The following MSH4 variants were observed in gnomAD, a reference collection of about 807,000 sequenced individuals.
The protein encoded by MSH4 is mutS protein homolog 4.
A neutral mutation model predicts 113.7 loss-of-function variants in MSH4; 106 were observed. The observed-to-expected ratio is 0.93, with a 90% CI of 0.80 to 1.10. The LOEUF is 1.10. Ranked by LOEUF, MSH4 falls within the 50% of genes least tolerant of loss-of-function variation. The probability of loss-of-function intolerance (pLI) is 0.00; values close to 1 mark genes in which losing one functional copy is unlikely to be tolerated. For synonymous variants in MSH4, 368 were observed against 380.2 expected, an observed-to-expected ratio of 0.97 and a Z score of 0.37; for missense variants, 1,061 against 1,093.7, an observed-to-expected ratio of 0.97 and a Z score of 0.42.
intron 8 of MSH4, among the ~76,000 whole-genome samples, chr1:75,852,428 C>CT: frequency 6.6e-6 from 1 of 152,206 alleles, no homozygotes; most frequent in South Asian, 2.1e-4. Flanking sequence ...TGTGATAACT[C>CT]TATGTTTAAT....
At chr1:75,879,987 A>G (rs1001186014) in intron 12 of MSH4, 63 bp from the exon 13 acceptor site, 5 of 803,962 alleles carry the variant, frequency 6.2e-6, no homozygotes, top group East Asian at 5.2e-5. Flanking sequence ...TCTGTTGTTT[A>G]AAATCTTACA....
intron 8 of MSH4, among the ~76,000 whole-genome samples, chr1:75,863,178 A>G (rs896390962): frequency 3.3e-5 from 5 of 152,112 alleles, no homozygotes; most frequent in African/African-American, 4.8e-5. Context: ...GATTTATTCT[A>G]TGATTCATTT....
At position 75,886,737 on chromosome 1, in the gene MSH4, ATATAT is replaced by A. The variant is rs540400873; in HGVS notation, c.2108-2508_2108-2504del. On this transcript the variant is annotated intron_variant, in intron 15 of 19. Coordinates refer to ENST00000263187, the MANE Select transcript of MSH4 (RefSeq NM_002440.4). ...ATATAAATGTATACATTATATATAA[ATATAT>A]TATATACATTATATATAAAATATGT... 5.6e-3 allele frequency among the ~76,000 whole-genome samples: 780 copies of A among 138,550 alleles called. 13 individuals carry two copies. The highest frequency in any genetic ancestry group is 0.032 in the Admixed American group (414 of 12,846). The allele number at this position is 138,550 out of a possible 152,430, so 90.9% of individuals were successfully genotyped here.
chr1:75,877,100 T>C (rs1651832618), intron 10 of MSH4, 100 bp downstream of exon 10: 1 of 691,378 alleles, frequency 1.4e-6, no homozygotes, highest in African/African-American at 1.9e-5. Flanking sequence ...GAACAATTAC[T>C]TGAGTTTTGG....
At chr1:75,863,348 A>T (rs1349679173) in intron 8 of MSH4, among the ~76,000 whole-genome samples, 1 of 152,208 alleles carries the variant, frequency 6.6e-6, no homozygotes, top group African/African-American at 2.4e-5. Context: ...CCTAGTTGCA[A>T]ACTAACTAGT....
intron 9 of MSH4, among the ~76,000 whole-genome samples, chr1:75,873,175 A>G (rs1440850505): frequency 6.6e-6 from 1 of 152,176 alleles, no homozygotes; most frequent in African/African-American, 2.4e-5. Flanking sequence ...TCTCACAAAC[A>G]TTTTACACCA....
At chr1:75,802,251 A>G (rs1222934359) in intron 1 of MSH4, among the ~76,000 whole-genome samples, 2 of 152,214 alleles carry the variant, frequency 1.3e-5, no homozygotes, top group Non-Finnish European at 2.9e-5. Context: ...CGAAGGCTTG[A>G]GAGTTGTCAG....
intron 4 of MSH4, among the ~76,000 whole-genome samples, chr1:75,811,591 A>C (rs1024549822): frequency 3.2e-4 from 49 of 152,184 alleles, no homozygotes; most frequent in African/African-American, 1.1e-3. Context: ...GATAACATGT[A>C]CTGCCTTCCA....
At chr1:75,802,324 T>C (rs1649956607) in intron 1 of MSH4, among the ~76,000 whole-genome samples, 1 of 152,026 alleles carries the variant, frequency 6.6e-6, no homozygotes, top group Admixed American at 6.6e-5. Context: ...TAATGTTGAT[T>C]TGTGAGGGAA....
rs375301824 is a variant in MSH4 at position 75,814,424 on chromosome 1, C to T, written c.700-597C>T. On this transcript the variant is annotated intron_variant, in intron 4 of 19. Coordinates refer to ENST00000263187, the MANE Select transcript of MSH4 (RefSeq NM_002440.4). Reference sequence around the variant, plus strand: ...AATTTGTAGTGAGCTATGATCATGCCGCTGTATTCCAGCCTGGGCAACAGA... The same window carrying T: ...AATTTGTAGTGAGCTATGATCATGCTGCTGTATTCCAGCCTGGGCAACAGA... Among the ~76,000 whole-genome samples the T allele has an allele frequency of 2.1e-4, 28 of 133,944 alleles. 1 individual carries two copies. The East Asian group carries it at 3.5e-3, about 17-fold the overall frequency. The allele number at this position is 133,944 out of a possible 152,430, so 87.9% of individuals were successfully genotyped here.
chr1:75,885,057 G>GTATATATA (rs1440064046), intron 15 of MSH4, among the ~76,000 whole-genome samples: 334 of 114,490 alleles, frequency 2.9e-3, no homozygotes, highest in Middle Eastern at 4.9e-3. Context: ...GTGTGTGTGT[G>GTATATATA]TGTATATATA....
chr1:75,860,134 C>T (rs1391292287), intron 8 of MSH4, among the ~76,000 whole-genome samples: 1 of 152,000 alleles, frequency 6.6e-6, no homozygotes, highest in East Asian at 1.9e-4. Context: ...TCCTCCATCC[C>T]TTTATTTTGA....
At chr1:75,881,899 A>T (rs984034492) in intron 14 of MSH4, among the ~76,000 whole-genome samples, 7 of 152,038 alleles carry the variant, frequency 4.6e-5, no homozygotes, top group Admixed American at 4.6e-4. Flanking sequence ...TAGTGCTTTG[A>T]CATTTCTTAT....
rs1171607787 is a variant in MSH4 at position 75,797,379 on chromosome 1, G to A, written c.244+150G>A. ...GTGCCCTGGGAATTTGGTGAGTCTG[G>A]GTGATTAGAAGCCTTGACTTTTCAA... On this transcript the variant is annotated intron_variant, in intron 1 of 19. Transcript: ENST00000263187. 4.4e-6 allele frequency: 5 copies of A among 1,138,308 alleles called. No individual in the cohort carries two copies. In the African/African-American group the frequency reaches 6.3e-5, roughly 14 times the overall value. 70.5% of individuals were successfully genotyped at this position (1,138,308 alleles called of 1,614,324 possible). A position where few individuals can be genotyped will look rare whatever the true frequency, so the allele number is the denominator to read the frequency against.
At chr1:75,870,300 A>G (rs1158618293) in intron 9 of MSH4, among the ~76,000 whole-genome samples, 1 of 152,168 alleles carries the variant, frequency 6.6e-6, no homozygotes, top group Non-Finnish European at 1.5e-5. Context: ...GGCAGAAGGG[A>G]CTTGCCTTGT....
At chr1:75,802,833 A>G (rs1193534144) in intron 1 of MSH4, among the ~76,000 whole-genome samples, 4 of 152,200 alleles carry the variant, frequency 2.6e-5, no homozygotes, top group African/African-American at 9.7e-5. Flanking sequence ...GTCCAAGGTC[A>G]AAGGAGGCAC....
Position 75,854,112 on chromosome 1 carries a change from C to G in MSH4, c.1230+5836C>G, listed in dbSNP as rs1283169824. On this transcript the variant is annotated intron_variant, in intron 8 of 19. Transcript: ENST00000263187. Reference sequence around the variant, plus strand: ...AAATCATACGTTCATACCAATACTTCCAATTTCAATTTACAGTCACAGGGT... The same window carrying G: ...AAATCATACGTTCATACCAATACTTGCAATTTCAATTTACAGTCACAGGGT... Among the ~76,000 whole-genome samples, 6 of 149,746 alleles carry G rather than the reference C, an allele frequency of 4.0e-5. No homozygotes were observed. The East Asian group carries it at 1.2e-3, about 30-fold the overall frequency.
At position 75,883,646 on chromosome 1, in the gene MSH4, AG is replaced by A. The variant is rs770348754; in HGVS notation, c.1933del (p.Ala645GlnfsTer32). 9.9e-6 allele frequency: 16 copies of A among 1,612,808 alleles called. No individual in the cohort carries two copies. The highest frequency in any genetic ancestry group is 1.4e-5 in the Non-Finnish European group (16 of 1,179,562). On this transcript the variant is annotated frameshift_variant, in exon 15 of 20. Coordinates refer to ENST00000263187, the MANE Select transcript of MSH4 (RefSeq NM_002440.4). LOFTEE classifies it high-confidence loss of function. ...TTCGACCAGAATTTACTGATACTTT[AG>A]CAATCAAACAGGGATGGCATCCTAT... The part of the protein sequence containing the change: ...YVRPEFTDTL[A>X]IKQGWHPILE...
intron 9 of MSH4, among the ~76,000 whole-genome samples, chr1:75,876,721 G>T (rs1217632808): frequency 6.6e-6 from 1 of 151,988 alleles, no homozygotes; most frequent in Non-Finnish European, 1.5e-5. Context: ...ATAAGCAGTG[G>T]ATGGCACTAA....
Sources: gnomAD v4.1 joint callset for allele counts (sites outside exome capture counted in the v4.1 genomes callset) on GRCh38, gnomAD v4.1.1 for gene constraint, MANE v1.5 for transcripts, NCBI Gene and HGNC (gene_info 2026-07-23, HGNC 2026-07-21) for gene names.